Variants in CR1L observed in about 807,000 individuals in gnomAD.
The protein encoded by CR1L is complement component receptor 1-like protein.
Under a neutral mutation model 62.3 loss-of-function variants are expected in CR1L, and 59 were observed. The ratio of observed to expected loss-of-function variants is 0.95; its 90% confidence interval spans 0.77 to 1.18. CR1L has a LOEUF of 1.18. Among genes scored for constraint, CR1L ranks in the 50% most tolerant of loss-of-function variants. CR1L has a pLI of 0.00. For missense variants in CR1L, 700 were observed against 702.8 expected, an observed-to-expected ratio of 1.00 and a Z score of 0.04; for synonymous variants, 279 against 248.7, an observed-to-expected ratio of 1.12 and a Z score of -1.15.
rs758592650 is a variant in CR1L, at chr1:207,694,408, CAG to C, written c.524_525del (p.Glu175ValfsTer23). 6.2e-7 allele frequency: 1 copy of C among 1,613,950 alleles called. No individual in the cohort carries two copies. The highest frequency in any genetic ancestry group is 1.1e-5 in the South Asian group (1 of 91,072). On this transcript the variant is annotated frameshift_variant, in exon 5 of 12. Coordinates refer to ENST00000508064, the MANE Select transcript of CR1L (RefSeq NM_175710.2). LOFTEE classifies it high-confidence loss of function. The stretch of plus-strand genomic sequence containing the variant: ...CCAATGGAGATTTCACTAGCATCAG[CAG>C]AGAGTATTTTCACTATGGATCAGTG... ...IANGDFTSIS[R>X]EYFHYGSVVT... is the part of the protein sequence containing the mutation.
intron 1 of CR1L, among the ~76,000 whole-genome samples, chr1:207,671,490 T>C (rs1663614655): frequency 6.6e-6 from 1 of 150,986 alleles, no homozygotes; most frequent in African/African-American, 2.5e-5. Flanking sequence ...TGAAGTGGTA[T>C]GGTGCTATTT....
At chr1:207,721,419 C>T (rs1388090488) in intron 11 of CR1L, among the ~76,000 whole-genome samples, 2 of 148,562 alleles carry the variant, frequency 1.3e-5, no homozygotes, top group Non-Finnish European at 3.0e-5. Context: ...TCAATTCCCA[C>T]CTATGAGTGA....
chr1:207,655,852 A>AT (rs1663300619), intron 1 of CR1L, among the ~76,000 whole-genome samples: 1 of 152,196 alleles, frequency 6.6e-6, no homozygotes, highest in Non-Finnish European at 1.5e-5. Context: ...CATTGTTCAC[A>AT]TTTTTTGCAC....
At chr1:207,708,761 C>A (rs1664308901) in intron 10 of CR1L, 1 of 454,580 alleles carries the variant, frequency 2.2e-6, no homozygotes, top group African/African-American at 2.0e-5. Context: ...TGAGCAATTG[C>A]AAGCTAATAA....
intron 1 of CR1L, among the ~76,000 whole-genome samples, chr1:207,665,672 C>T (rs563852978): frequency 5.9e-5 from 9 of 152,254 alleles, no homozygotes; most frequent in African/African-American, 9.6e-5. Context: ...GGATTACAGG[C>T]GTGAGCCACC....
chr1:207,652,778 G>A, intron 1 of CR1L: 8 of 706,130 alleles, frequency 1.1e-5, no homozygotes, highest in Non-Finnish European at 2.1e-5. Flanking sequence ...GCTTGCTCTA[G>A]AGATTTGCAC....
At chr1:207,670,450 A>G (rs574144086) in intron 1 of CR1L, among the ~76,000 whole-genome samples, 1 of 151,044 alleles carries the variant, frequency 6.6e-6, no homozygotes, top group East Asian at 1.9e-4. Context: ...TTTAACTTCA[A>G]GTAGGTAAAC....
At chr1:207,706,039 AT>A (rs745673911) in intron 9 of CR1L, among the ~76,000 whole-genome samples, 1,771 of 147,830 alleles carry the variant, frequency 0.012, 17 homozygotes, top group Non-Finnish European at 0.02. Flanking sequence ...ATATATATAT[AT>A]ATATAAAACA....
intron 9 of CR1L, among the ~76,000 whole-genome samples, chr1:207,703,937 G>T (rs911528145): frequency 4.0e-5 from 6 of 151,866 alleles, no homozygotes; most frequent in African/African-American, 1.5e-4. Context: ...TTGGGCAATA[G>T]AGGGAGACTT....
chr1:207,662,571 A>G (rs954639836), intron 1 of CR1L, among the ~76,000 whole-genome samples: 3 of 151,818 alleles, frequency 2.0e-5, no homozygotes, highest in African/African-American at 7.3e-5. Flanking sequence ...AAGGTTTTTA[A>G]TTTCTTTGCC....
chr1:207,678,434 G>A, intron 3 of CR1L, 137 bp downstream of exon 3: 1 of 721,360 alleles, frequency 1.4e-6, no homozygotes, highest in Non-Finnish European at 2.3e-6. Context: ...CAGGTGCTTA[G>A]CTCCTGACTG....
chr1:207,666,160 C>G (rs17186897), intron 1 of CR1L, among the ~76,000 whole-genome samples: 26,993 of 152,216 alleles, frequency 0.18, 2,998 homozygotes, highest in Non-Finnish European at 0.26. Context: ...CGTCCTCACA[C>G]AACTCTTTCC....
chr1:207,709,073 A>G, intron 10 of CR1L: 1 of 248,218 alleles, frequency 4.0e-6, no homozygotes, highest in South Asian at 4.6e-5. Flanking sequence ...TGTCTTTATT[A>G]GTTCTGCCAG....
intron 8 of CR1L, 132 bp from the exon 9 acceptor site, chr1:207,701,387 C>G (rs1558022862): frequency 8.3e-7 from 1 of 1,200,112 alleles, no homozygotes; most frequent in East Asian, 2.5e-5. Flanking sequence ...TGAGTTTTCT[C>G]AAGGTGCCAA....
At chr1:207,650,237 G>A (rs1262146608) in intron 1 of CR1L, among the ~76,000 whole-genome samples, 5 of 152,154 alleles carry the variant, frequency 3.3e-5, no homozygotes, top group Non-Finnish European at 7.4e-5. Context: ...CTCCCAGGGG[G>A]ACCTGCAGAA....
chr1:207,673,521 TAG>T (rs1322330263), intron 1 of CR1L, among the ~76,000 whole-genome samples: 1 of 152,258 alleles, frequency 6.6e-6, no homozygotes, highest in East Asian at 1.9e-4. Flanking sequence ...ATTGTGCGTA[TAG>T]CACAGAATAA....
chr1:207,678,162 T>G, intron 2 of CR1L, 36 bp from the exon 3 acceptor site: 1 of 1,598,888 alleles, frequency 6.3e-7, no homozygotes. Flanking sequence ...TTCAGTTTAC[T>G]CTACTTGGCT....
Position 207,697,888 on chromosome 1 carries a change from G to T in CR1L, c.1142+15G>T. 6.2e-7 allele frequency: 1 copy of T among 1,613,816 alleles called. No homozygotes were observed. The highest frequency in any genetic ancestry group is 8.5e-7 in the Non-Finnish European group (1 of 1,179,848). On this transcript the variant is annotated intron_variant, in intron 7 of 11. Transcript: ENST00000508064. ...TGTGATGAAGGGTGAGTATGAGCTT[G>T]CCTGACCTGCTGGACATTGAAATTG...
Position 207,694,671 on chromosome 1 carries a change from G to A in CR1L, c.782G>A (p.Gly261Asp). 6.2e-7 allele frequency: 1 copy of A among 1,611,874 alleles called. No individual in the cohort carries two copies. Among genetic ancestry groups the A allele is most frequent in the Non-Finnish European group, 8.5e-7 (1 of 1,179,714 alleles). ...NEVVEFRCQP[G>D]FGMKGPSHVK... Reference sequence around the variant, plus strand: ...GTTGTGGAGTTTAGGTGTCAGCCTGGCTTTGGCATGAAAGGGCCCTCCCAT... The same window carrying A: ...GTTGTGGAGTTTAGGTGTCAGCCTGACTTTGGCATGAAAGGGCCCTCCCAT... Residue 261 changes from glycine (G) to aspartate (D), a missense_variant, in exon 5 of 12, where the codon GGC becomes GAC. Transcript: ENST00000508064.
Sources: allele counts gnomAD v4.1 joint callset (sites outside exome capture counted in the v4.1 genomes callset), GRCh38; gene constraint gnomAD v4.1.1; transcripts MANE v1.5; gene names NCBI Gene and HGNC (gene_info 2026-07-23, HGNC 2026-07-21).